The following NAF1 variants were observed in gnomAD, a reference collection of about 807,000 sequenced individuals.
The protein encoded by NAF1 is H/ACA ribonucleoprotein complex non-core subunit NAF1.
NAF1 carries 11 observed loss-of-function variants against 40.6 expected under a neutral mutation model. The observed-to-expected ratio is 0.27, with a 90% CI of 0.17 to 0.45. NAF1 has a LOEUF of 0.45. Ranked by LOEUF, NAF1 falls within the 20% of genes least tolerant of loss-of-function variation. The pLI is 1.00. For synonymous variants in NAF1, 260 were observed against 228.5 expected (o/e 1.14, Z -1.24); for missense variants, 607 against 611.1 (o/e 0.99, Z 0.07).
chr4:163,155,115 G>A (rs528424741), intron 2 of NAF1, among the ~76,000 whole-genome samples: 3 of 152,278 alleles, frequency 2.0e-5, no homozygotes, highest in African/African-American at 7.2e-5. Flanking sequence ...ATGTATGAAT[G>A]CCAAATGTCA....
At chr4:163,114,924 C>T (rs1283835966) in intron 2 of NAF1, among the ~76,000 whole-genome samples, 1 of 152,006 alleles carries the variant, frequency 6.6e-6, no homozygotes, top group Admixed American at 6.6e-5. Flanking sequence ...ATAATTTATT[C>T]CTTTTTGTAT....
At position 163,140,255 on chromosome 4, in the gene NAF1, G is replaced by A; in HGVS notation, c.846C>T (p.Phe282=). Residue 282 remains phenylalanine, a synonymous_variant, in exon 5 of 8, where the codon TTC becomes TTT. Transcript: ENST00000274054. ...TMYFAPSMKD[F]TQYIFTEKLK... ...GTTTTTCTGTGAATATATATTGAGT[G>A]AAATCTTTCATTGATGGAGCAAAAT... 6.2e-7 allele frequency: 1 copy of A among 1,605,484 alleles called. No individual in the cohort carries two copies. The highest frequency in any genetic ancestry group is 8.5e-7 in the Non-Finnish European group (1 of 1,177,132).
chr4:163,133,578 ATTATATATAT>A, intron 6 of NAF1: 2 of 210,056 alleles, frequency 9.5e-6, no homozygotes. Flanking sequence ...GACTAAGCAA[ATTATATATAT>A]TATCAGAGCC....
intron 2 of NAF1, among the ~76,000 whole-genome samples, chr4:163,117,730 TCATC>T (rs1730392056): frequency 1.7e-5 from 2 of 115,136 alleles, no homozygotes. Context: ...CATGAATACA[TCATC>T]CATTATTCGT....
At chr4:163,138,265 G>A (rs1731132085) in intron 5 of NAF1, among the ~76,000 whole-genome samples, 1 of 152,026 alleles carries the variant, frequency 6.6e-6, no homozygotes, top group Non-Finnish European at 1.5e-5. Context: ...ATTATCAATG[G>A]CTTTTCCATC....
At chr4:163,153,695 AC>A (rs1477052226) in intron 2 of NAF1, among the ~76,000 whole-genome samples, 5 of 152,056 alleles carry the variant, frequency 3.3e-5, no homozygotes, top group African/African-American at 1.2e-4. Context: ...GGGATTGTAA[AC>A]CCACCAATCA....
downstream of NAF1, among the ~76,000 whole-genome samples, chr4:163,107,221 A>G (rs890919582): frequency 3.9e-5 from 6 of 152,188 alleles, no homozygotes; most frequent in African/African-American, 7.2e-5. Context: ...TCTGGACTTC[A>G]AGTGATCCGC....
At chr4:163,157,732 C>A (rs1025855634) in intron 2 of NAF1, among the ~76,000 whole-genome samples, 7 of 152,044 alleles carry the variant, frequency 4.6e-5, no homozygotes, top group Non-Finnish European at 8.8e-5. Flanking sequence ...TTTCTAACAT[C>A]TGTATGGTCT....
At chr4:163,138,938 G>C (rs1731156213) in intron 5 of NAF1, among the ~76,000 whole-genome samples, 1 of 152,074 alleles carries the variant, frequency 6.6e-6, no homozygotes, top group Admixed American at 6.5e-5. Context: ...ATATCTTGAA[G>C]ACTTTATGTG....
intron 2 of NAF1, among the ~76,000 whole-genome samples, chr4:163,153,890 C>G (rs1371763674): frequency 2.6e-5 from 4 of 152,180 alleles, no homozygotes; most frequent in Non-Finnish European, 5.9e-5. Flanking sequence ...CTCTTTGGGT[C>G]CACACTGCTT....
rs758768785 is a variant in NAF1, at chr4:163,145,779, A to G, written c.717+3T>C. The G allele has an allele frequency of 7.0e-6, 11 of 1,561,214 alleles. No individual in the cohort carries two copies. On this transcript the variant is annotated splice_donor_region_variant and intron_variant, in intron 4 of 7. Transcript: ENST00000274054. ...TTTGTAAGATTTGAAATGTTTTACA[A>G]ACCTTTCCTGCTGCTTGTCGATCAC...
At chr4:163,154,298 A>T (rs942168340) in intron 2 of NAF1, among the ~76,000 whole-genome samples, 1 of 152,222 alleles carries the variant, frequency 6.6e-6, no homozygotes, top group Admixed American at 6.5e-5. Context: ...TTGCCTCTTG[A>T]TAGTAACAAC....
chr4:163,147,376 C>T (rs1731512481), intron 3 of NAF1, among the ~76,000 whole-genome samples: 1 of 152,156 alleles, frequency 6.6e-6, no homozygotes, highest in Non-Finnish European at 1.5e-5. Context: ...TCTAGGTCCT[C>T]TTCACAGTTC....
At chr4:163,146,703 C>T (rs7675924) in intron 3 of NAF1, among the ~76,000 whole-genome samples, 118,385 of 152,122 alleles carry the variant, frequency 0.78, 46,106 homozygotes, top group South Asian at 0.84. Flanking sequence ...CTGCAGCACT[C>T]TGGGAGGCTG....
chr4:163,142,436 A>G (rs964899855), intron 4 of NAF1, among the ~76,000 whole-genome samples: 4 of 152,230 alleles, frequency 2.6e-5, no homozygotes, highest in African/African-American at 9.6e-5. Context: ...TAAGTGTGAA[A>G]AACAATTTCA....
downstream of NAF1, among the ~76,000 whole-genome samples, chr4:163,124,379 C>T (rs1579130431): frequency 2.0e-5 from 3 of 152,252 alleles, no homozygotes; most frequent in Middle Eastern, 3.4e-3. Flanking sequence ...TGGATCTAAG[C>T]CAGTTCCTTC....
chr4:163,119,583 T>G (rs1251391940), intron 2 of NAF1: 1 of 152,176 alleles, frequency 6.6e-6, no homozygotes, highest in African/African-American at 2.4e-5. Flanking sequence ...CTAATTGTCT[T>G]CTTAGCAAGA....
chr4:163,112,687 T>C (rs992085509), intron 2 of NAF1, among the ~76,000 whole-genome samples: 2 of 152,154 alleles, frequency 1.3e-5, no homozygotes, highest in African/African-American at 4.8e-5. Flanking sequence ...CCCCAGCAGC[T>C]GGGGTATAAG....
At chr4:163,153,345 T>C (rs1228561356) in intron 2 of NAF1, among the ~76,000 whole-genome samples, 1 of 152,176 alleles carries the variant, frequency 6.6e-6, no homozygotes, top group African/African-American at 2.4e-5. Flanking sequence ...AGAGTCTCTA[T>C]ATCTAGCTCT....
Sources: gnomAD v4.1 joint callset for allele counts (sites outside exome capture counted in the v4.1 genomes callset) on GRCh38, gnomAD v4.1.1 for gene constraint, MANE v1.5 for transcripts, NCBI Gene and HGNC (gene_info 2026-07-23, HGNC 2026-07-21) for gene names.